The following LAMA4 variants were observed in gnomAD, a reference collection of about 807,000 sequenced individuals.
LAMA4 encodes laminin subunit alpha-4.
A neutral mutation model predicts 207.1 loss-of-function variants in LAMA4; 127 were observed. The observed-to-expected ratio is 0.61, with a 90% confidence interval of 0.53 to 0.71. The LOEUF (loss-of-function observed/expected upper bound fraction) is 0.71. LAMA4 is among the 30% of genes least tolerant of loss of function. The probability of loss-of-function intolerance (pLI) is 0.00; values close to 1 mark genes in which losing one functional copy is unlikely to be tolerated. For synonymous variants in LAMA4, 761 were observed against 816.0 expected, an observed-to-expected ratio of 0.93 and a Z score of 1.15; for missense variants, 2,093 against 2,246.5, an observed-to-expected ratio of 0.93 and a Z score of 1.38.
At chr6:112,122,864 T>C (rs996052873) in intron 31 of LAMA4, among the ~76,000 whole-genome samples, 1 of 152,212 alleles carries the variant, frequency 6.6e-6, no homozygotes, top group African/African-American at 2.4e-5. Context: ...AATTCAAGTA[T>C]TTAGTCATTT....
chr6:112,199,026 C>G (rs1167710727), intron 5 of LAMA4, among the ~76,000 whole-genome samples: 1 of 152,204 alleles, frequency 6.6e-6, no homozygotes, highest in Non-Finnish European at 1.5e-5. Flanking sequence ...CAAATCTCTT[C>G]TTTTCAACAC....
Position 112,185,223 on chromosome 6 carries a change from A to G in LAMA4, c.1077+14T>C. ...TTGAAGGCTGTCCCAGAAACTGAAT[A>G]CATACATACGTACCTTTTCAACTAA... On this transcript the variant is annotated intron_variant, in intron 9 of 38. Coordinates refer to ENST00000230538, the MANE Select transcript of LAMA4 (RefSeq NM_001105206.3). 6.6e-7 allele frequency: 1 copy of G among 1,505,330 alleles called. No individual in the cohort carries two copies. The highest frequency in any genetic ancestry group is 9.3e-7 in the Non-Finnish European group (1 of 1,081,038). 93.2% of individuals were successfully genotyped at this position (1,505,330 alleles called of 1,614,324 possible). A position where few individuals can be genotyped will look rare whatever the true frequency, so the allele number is the denominator to read the frequency against.
intron 2 of LAMA4, among the ~76,000 whole-genome samples, chr6:112,235,687 C>A (rs1785868421): frequency 6.6e-6 from 1 of 152,220 alleles, no homozygotes; most frequent in African/African-American, 2.4e-5. Context: ...ATAGATCTTT[C>A]TTTCTTCCTT....
intron 2 of LAMA4, among the ~76,000 whole-genome samples, chr6:112,247,264 T>G (rs1186576091): frequency 6.6e-6 from 1 of 152,354 alleles, no homozygotes; most frequent in East Asian, 1.9e-4. Context: ...ATCTAAAAGA[T>G]GGTCCAATTT....
At chr6:112,178,464 G>T in intron 9 of LAMA4, 3 of 491,304 alleles carry the variant, frequency 6.1e-6, no homozygotes, top group Non-Finnish European at 1.1e-5. Flanking sequence ...GGGTATAGGT[G>T]GTATTTGGTT....
intron 2 of LAMA4, chr6:112,236,565 T>C (rs1255200895): frequency 6.6e-6 from 1 of 152,182 alleles, no homozygotes; most frequent in Non-Finnish European, 1.5e-5. Context: ...TTTTAAAAGC[T>C]GAGGTCTTCA....
At chr6:112,171,381 G>T (rs1187649413) in intron 12 of LAMA4, among the ~76,000 whole-genome samples, 5 of 152,138 alleles carry the variant, frequency 3.3e-5, no homozygotes, top group African/African-American at 1.2e-4. Flanking sequence ...AAGGTGAGCT[G>T]CTCTGGCAGG....
intron 2 of LAMA4, among the ~76,000 whole-genome samples, chr6:112,241,739 T>G (rs1786529494): frequency 6.6e-6 from 1 of 152,158 alleles, no homozygotes; most frequent in South Asian, 2.1e-4. Flanking sequence ...CAAGGATAGC[T>G]GGAGTCTGCA....
In LAMA4 at chr6:112,134,613, G is replaced by T; in HGVS notation, c.3415-4C>A. 1 of 1,600,708 alleles carries T rather than the reference G, an allele frequency of 6.2e-7. No homozygotes were observed. The highest frequency in any genetic ancestry group is 8.5e-7 in the Non-Finnish European group (1 of 1,169,984). ...CATTGTGGTAAATGATTGAGATCTG[G>T]GAGAGATAATATATAGTAAGCCTTG... On this transcript the variant is annotated splice_polypyrimidine_tract_variant and splice_region_variant and intron_variant, in intron 25 of 38. Transcript: ENST00000230538.
chr6:112,133,307 G>C (rs368540140), intron 27 of LAMA4, 42 bp downstream of exon 27: 85 of 1,605,188 alleles, frequency 5.3e-5, no homozygotes, highest in Non-Finnish European at 6.2e-5. Context: ...AGAGTGATAA[G>C]TATTGTGTCT....
intron 13 of LAMA4, among the ~76,000 whole-genome samples, chr6:112,160,154 T>G (rs1456661225): frequency 6.6e-6 from 1 of 152,208 alleles, no homozygotes; most frequent in Non-Finnish European, 1.5e-5. Flanking sequence ...ACTTGGGTTC[T>G]GGAAAGGGTC....
At position 112,109,504 on chromosome 6, in the gene LAMA4, G is replaced by T. The variant is rs886039017; in HGVS notation, c.5405C>A (p.Pro1802Gln). The change falls in exon 39 of 39, where the codon CCA (proline) becomes CAA (glutamine). Residue 1802 changes from proline (P) to glutamine (Q), a missense_variant. This residue lies in a region of LAMA4 where 383 missense variants were observed against 437.8 expected (regional missense o/e 0.87). Coordinates refer to ENST00000230538, the MANE Select transcript of LAMA4 (RefSeq NM_001105206.3). ...CAGGGCTGCTTTACTGAAGCTCACTGGGTGTCCATCAATCACAAAGTGGCG... is the reference window on the plus strand; with the variant it reads ...CAGGGCTGCTTTACTGAAGCTCACTTGGTGTCCATCAATCACAAAGTGGCG... ...CIRHFVIDGH[P>Q]VSFSKAALVS... The T allele has an allele frequency of 2.5e-6, 4 of 1,614,098 alleles. No homozygotes were observed. The highest frequency in any genetic ancestry group is 3.4e-6 in the Non-Finnish European group (4 of 1,179,994).
At chr6:112,143,866 T>C (rs1324203864) in intron 19 of LAMA4, among the ~76,000 whole-genome samples, 4 of 152,192 alleles carry the variant, frequency 2.6e-5, no homozygotes, top group African/African-American at 7.2e-5. Flanking sequence ...AGATAAACCT[T>C]TTTTGAAAAT....
At chr6:112,157,078 G>T (rs1671933432) in intron 14 of LAMA4, among the ~76,000 whole-genome samples, 1 of 152,054 alleles carries the variant, frequency 6.6e-6, no homozygotes, top group Non-Finnish European at 1.5e-5. Flanking sequence ...GAAGTCATGG[G>T]GCTCTGCTCT....
intron 2 of LAMA4, among the ~76,000 whole-genome samples, chr6:112,239,270 G>A (rs933229469): frequency 1.4e-5 from 2 of 142,798 alleles, no homozygotes; most frequent in Non-Finnish European, 3.0e-5. Context: ...GCAGCAAGCA[G>A]AGATCATGTG....
intron 12 of LAMA4, chr6:112,171,798 A>G (rs1781732322): frequency 1.3e-5 from 2 of 152,652 alleles, no homozygotes; most frequent in Admixed American, 1.3e-4. Context: ...AAATTTTACA[A>G]GGATTCTTAG....
chr6:112,134,382 G>T, intron 26 of LAMA4, 85 bp downstream of exon 26: 2 of 1,345,402 alleles, frequency 1.5e-6, no homozygotes, highest in South Asian at 1.2e-5. Context: ...AAGTAAGGGT[G>T]CGTACACTGT....
At position 112,158,813 on chromosome 6, in the gene LAMA4, A is replaced by G. The variant is rs782310358; in HGVS notation, c.1736T>C (p.Leu579Pro). ...GACTAAATCATGGCTGAGGTTACTT[A>G]GGTTAGATAGTTTTACTTGTAGTTC... ...KSELQVKLSN[L>P]SNLSHDLVQE... is the part of the protein sequence containing the mutation. The change falls in exon 14 of 39, where the codon CTA becomes CCA. Residue 579 changes from leucine to proline, a missense_variant. Around this residue, in one of 3 missense-constraint regions of LAMA4, gnomAD observed 1,704 missense variants for 1,788.4 expected, o/e 0.95. Transcript: ENST00000230538. The G allele has an allele frequency of 1.2e-6, 2 of 1,612,972 alleles. No homozygotes were observed. Among genetic ancestry groups the G allele is most frequent in the South Asian group, 2.2e-5 (2 of 91,064 alleles).
chr6:112,253,905 C>T, intron 2 of LAMA4, 51 bp downstream of exon 2: 1 of 1,613,486 alleles, frequency 6.2e-7, no homozygotes, highest in Non-Finnish European at 8.5e-7. Context: ...GTGGCACAGC[C>T]CGCGGGGGCG....
Sources: gnomAD v4.1 joint callset for allele counts (sites outside exome capture counted in the v4.1 genomes callset) on GRCh38, gnomAD v4.1.1 for gene constraint, gnomAD v4.1.1 regional missense constraint, MANE v1.5 for transcripts, NCBI Gene and HGNC (gene_info 2026-07-23, HGNC 2026-07-21) for gene names.